Variants in REEP1 observed in about 807,000 individuals in gnomAD.
REEP1 encodes receptor expression-enhancing protein 1.
A neutral mutation model predicts 40.3 loss-of-function variants in REEP1; 22 were observed. The observed-to-expected ratio is 0.55, with a 90% CI of 0.39 to 0.78. The LOEUF (loss-of-function observed/expected upper bound fraction) is 0.78. Ranked by LOEUF, REEP1 falls within the 30% of genes least tolerant of loss-of-function variation. The probability of loss-of-function intolerance (pLI) is 0.00; values close to 1 mark genes in which losing one functional copy is unlikely to be tolerated. For synonymous variants in REEP1, 116 were observed against 139.2 expected, an observed-to-expected ratio of 0.83 and a Z score of 1.17; for missense variants, 280 against 361.1, an observed-to-expected ratio of 0.78 and a Z score of 1.82.
intron 3 of REEP1, among the ~76,000 whole-genome samples, chr2:86,258,339 TTTA>T (rs1162006200): frequency 6.6e-6 from 1 of 152,234 alleles, no homozygotes; most frequent in East Asian, 1.9e-4. Context: ...TGCACAATGA[TTTA>T]TTAATTGTCT....
In REEP1 at chr2:86,261,429, C is replaced by T. The variant is rs187711720; in HGVS notation, c.182+2536G>A. Reference sequence around the variant, plus strand: ...GAGATTCTGTTAATCTATAACCTTACCCCCAACCCCGTGCTCTCTGAAACA... The same window carrying T: ...GAGATTCTGTTAATCTATAACCTTATCCCCAACCCCGTGCTCTCTGAAACA... On this transcript the variant is annotated intron_variant, in intron 3 of 8. Coordinates refer to ENST00000538924, the MANE Select transcript of REEP1 (RefSeq NM_001371279.1). Among the ~76,000 whole-genome samples the T allele has an allele frequency of 5.0e-3, 757 of 152,272 alleles. 3 individuals carry two copies. Among genetic ancestry groups the T allele is most frequent in the African/African-American group, 0.017 (716 of 41,540 alleles).
chr2:86,290,279 A>G (rs530394241), intron 1 of REEP1, among the ~76,000 whole-genome samples: 1 of 152,272 alleles, frequency 6.6e-6, no homozygotes, highest in Non-Finnish European at 1.5e-5. Context: ...CCAGGGTTAG[A>G]TGGGGAGGTG....
At chr2:86,243,084 A>C (rs1476367982) in intron 5 of REEP1, among the ~76,000 whole-genome samples, 39 of 152,188 alleles carry the variant, frequency 2.6e-4, no homozygotes. Flanking sequence ...TGGGCAGAGA[A>C]GCCCATCTGG....
chr2:86,234,006 G>A (rs1043122372), intron 5 of REEP1, among the ~76,000 whole-genome samples: 9 of 152,050 alleles, frequency 5.9e-5, no homozygotes. Context: ...GATGAAATAA[G>A]CAAGGGCCAA....
At position 86,334,399 on chromosome 2, in the gene REEP1, G is replaced by C. The variant is rs193222094; in HGVS notation, c.32+3080C>G. 2.6e-4 allele frequency among the ~76,000 whole-genome samples: 39 copies of C among 152,224 alleles called. 1 individual carries two copies. The highest frequency in any genetic ancestry group is 2.1e-3 in the Admixed American group (32 of 15,288). Reference sequence around the variant, plus strand: ...AGATTACTTATACAAAACGTGACTCGCGGATAAAACCATAGGATGCTCCCA... The same window carrying C: ...AGATTACTTATACAAAACGTGACTCCCGGATAAAACCATAGGATGCTCCCA... On this transcript the variant is annotated intron_variant, in intron 1 of 8. Coordinates refer to ENST00000538924, the MANE Select transcript of REEP1 (RefSeq NM_001371279.1).
At position 86,252,244 on chromosome 2, in the gene REEP1, G is replaced by A. The variant is rs539556166; in HGVS notation, c.304-174C>T. ...GTGCAGAGGGGAGAGCAGAGATACA[G>A]GAGAGTAGAAAAGGGAACTCTGAAA... On this transcript the variant is annotated intron_variant, in intron 4 of 8. Coordinates refer to ENST00000538924, the MANE Select transcript of REEP1 (RefSeq NM_001371279.1). 3.9e-5 allele frequency among the ~76,000 whole-genome samples: 6 copies of A among 152,272 alleles called. No homozygotes were observed. The South Asian group carries it at 1.2e-3, about 32-fold the overall frequency.
intron 5 of REEP1, among the ~76,000 whole-genome samples, chr2:86,246,672 T>A (rs1169061683): frequency 6.6e-6 from 1 of 151,314 alleles, no homozygotes; most frequent in East Asian, 1.9e-4. Flanking sequence ...CACTATGGTT[T>A]CTTTTTCTTT....
chr2:86,280,140 A>G (rs982226318), intron 2 of REEP1: 6 of 435,334 alleles, frequency 1.4e-5, no homozygotes, highest in African/African-American at 8.1e-5. Context: ...AAATGGGCGC[A>G]TTAGTCGAAA....
chr2:86,262,262 C>T (rs1254052636), intron 3 of REEP1, among the ~76,000 whole-genome samples: 2 of 152,190 alleles, frequency 1.3e-5, no homozygotes, highest in Non-Finnish European at 2.9e-5. Context: ...GCAACCCACC[C>T]CTTCATTTCC....
At chr2:86,273,277 C>T (rs1192913285) in intron 2 of REEP1, among the ~76,000 whole-genome samples, 2 of 151,458 alleles carry the variant, frequency 1.3e-5, no homozygotes, top group African/African-American at 2.4e-5. Context: ...TGAACTGGCC[C>T]CTACCTTTTT....
rs779243912 is a variant in REEP1 at position 86,217,030 on chromosome 2, T to G, written c.*9A>C. 2.2e-5 allele frequency: 35 copies of G among 1,612,030 alleles called. No individual in the cohort carries two copies. The highest frequency in any genetic ancestry group is 2.9e-5 in the Non-Finnish European group (34 of 1,178,224). On this transcript the variant is annotated 3_prime_UTR_variant, in exon 9 of 9. Coordinates refer to ENST00000538924, the MANE Select transcript of REEP1 (RefSeq NM_001371279.1). ...ATTCTGTGGATCCGGTGCTGTTGGCTCATCTCACTCACGTGGTTTCGGTGG... is the reference window on the plus strand; with the variant it reads ...ATTCTGTGGATCCGGTGCTGTTGGCGCATCTCACTCACGTGGTTTCGGTGG...
chr2:86,240,829 G>C (rs1367354523), intron 5 of REEP1, among the ~76,000 whole-genome samples: 1 of 152,192 alleles, frequency 6.6e-6, no homozygotes, highest in Non-Finnish European at 1.5e-5. Context: ...CTTTGCAGCA[G>C]GCACGTGGTT....
chr2:86,333,613 G>A (rs1034358619), intron 1 of REEP1, among the ~76,000 whole-genome samples: 5 of 152,188 alleles, frequency 3.3e-5, no homozygotes, highest in Non-Finnish European at 7.3e-5. Context: ...CCAAGACAAT[G>A]AGGCAATACC....
intron 5 of REEP1, among the ~76,000 whole-genome samples, chr2:86,246,702 T>C (rs1675975032): frequency 5.2e-5 from 3 of 57,716 alleles, no homozygotes; most frequent in African/African-American, 1.3e-4. Flanking sequence ...TTTTTTTTTC[T>C]TTTTTCTTTT....
chr2:86,282,038 T>A (rs1678122649), intron 2 of REEP1, 132 bp downstream of exon 2: 1 of 734,532 alleles, frequency 1.4e-6, no homozygotes, highest in Non-Finnish European at 2.5e-6. Flanking sequence ...AGATGTCTCA[T>A]GAGAACTGTG....
chr2:86,261,301 T>C (rs924487350), intron 3 of REEP1, among the ~76,000 whole-genome samples: 8 of 152,146 alleles, frequency 5.3e-5, no homozygotes, highest in Admixed American at 5.2e-4. Context: ...AGTTTCCTTG[T>C]GGGGAAAAGC....
chr2:86,332,841 T>C (rs1237043298), intron 1 of REEP1, among the ~76,000 whole-genome samples: 2 of 152,228 alleles, frequency 1.3e-5, no homozygotes, highest in African/African-American at 2.4e-5. Context: ...ATGTGATGCA[T>C]ACAGGCCAGC....
chr2:86,248,148 C>T (rs1676071108), intron 5 of REEP1, among the ~76,000 whole-genome samples: 1 of 152,222 alleles, frequency 6.6e-6, no homozygotes, highest in African/African-American at 2.4e-5. Flanking sequence ...TCCATTTAAT[C>T]TGTCAGAACT....
At chr2:86,220,363 C>A (rs1674350549) in intron 7 of REEP1, among the ~76,000 whole-genome samples, 1 of 152,148 alleles carries the variant, frequency 6.6e-6, no homozygotes, top group Non-Finnish European at 1.5e-5. Context: ...ACCACAGACT[C>A]AGAATCTACT....
Sources: allele counts gnomAD v4.1 joint callset (sites outside exome capture counted in the v4.1 genomes callset), GRCh38; gene constraint gnomAD v4.1.1; transcripts MANE v1.5; gene names NCBI Gene and HGNC (gene_info 2026-07-23, HGNC 2026-07-21).